AOAH: variants seen among roughly 807,000 people sequenced by gnomAD.
AOAH encodes the protein acyloxyacyl hydrolase (neutrophil).
A neutral mutation model predicts 92.2 loss-of-function variants in AOAH; 64 were observed. The observed-to-expected ratio is 0.69, with a 90% CI of 0.57 to 0.86. The LOEUF (loss-of-function observed/expected upper bound fraction) is 0.86, where lower values mean the gene tolerates loss of function less well. Among genes scored for constraint, AOAH ranks in the 40% least tolerant of loss-of-function variants. The probability of loss-of-function intolerance (pLI) is 0.00; values close to 1 mark genes in which losing one functional copy is unlikely to be tolerated. For missense variants in AOAH, 656 were observed against 694.6 expected, an observed-to-expected ratio of 0.94 and a Z score of 0.62; for synonymous variants, 263 against 254.5, an observed-to-expected ratio of 1.03 and a Z score of -0.32.
In AOAH at chr7:36,535,098, T is replaced by TGTG. The variant is rs1562543580; in HGVS notation, c.1307-2755_1307-2754insCAC. ...TGTGTCTGTGTCTCTGTGTGTGTGT[T>TGTG]TGTGTGTGTCTGTGTCTGTGTGTGT... On this transcript the variant is annotated intron_variant, in intron 16 of 20. Transcript: ENST00000617537. Among the ~76,000 whole-genome samples, 7 of 114,304 alleles carry TGTG rather than the reference T, an allele frequency of 6.1e-5. No individual in the cohort carries two copies. In the South Asian group the frequency reaches 1.8e-3, roughly 29 times the overall value. 75.0% of individuals were successfully genotyped at this position (114,304 alleles called of 152,430 possible).
At chr7:36,517,184 T>TTC (rs1408716536) in intron 20 of AOAH, among the ~76,000 whole-genome samples, 3 of 61,010 alleles carry the variant, frequency 4.9e-5, no homozygotes, top group South Asian at 1.4e-3. Flanking sequence ...CTTTCTTTCT[T>TTC]TCTTTCTTTC....
At chr7:36,527,080 T>C (rs1337271723) in intron 19 of AOAH, among the ~76,000 whole-genome samples, 1 of 152,188 alleles carries the variant, frequency 6.6e-6, no homozygotes, top group East Asian at 1.9e-4. Context: ...CCTGCTCAAG[T>C]TGGCATTTCC....
intron 2 of AOAH, among the ~76,000 whole-genome samples, chr7:36,676,622 G>A (rs77269267): frequency 0.016 from 2,391 of 151,710 alleles, 59 homozygotes; most frequent in African/African-American, 0.054. Flanking sequence ...ACATTCATAC[G>A]AAAAGTCAAG....
chr7:36,556,702 C>T (rs1441397642), intron 13 of AOAH, among the ~76,000 whole-genome samples: 1 of 137,036 alleles, frequency 7.3e-6, no homozygotes. Flanking sequence ...GGATAGTTAG[C>T]TCTTCTTGTT....
intron 4 of AOAH, among the ~76,000 whole-genome samples, chr7:36,658,396 T>C (rs1795012232): frequency 6.6e-6 from 1 of 152,200 alleles, no homozygotes; most frequent in Non-Finnish European, 1.5e-5. Context: ...GAATTTTTTT[T>C]CACGGGCAGC....
intron 8 of AOAH, 40 bp downstream of exon 8, chr7:36,621,670 A>C (rs1185378846): frequency 6.3e-7 from 1 of 1,593,564 alleles, no homozygotes; most frequent in East Asian, 2.2e-5. Context: ...TCCTTTTCTG[A>C]AGATAATTTT....
At chr7:36,617,039 T>G (rs1218282347) in intron 10 of AOAH, among the ~76,000 whole-genome samples, 1 of 152,228 alleles carries the variant, frequency 6.6e-6, no homozygotes, top group African/African-American at 2.4e-5. Context: ...CTGAGGCCCA[T>G]CCACACGAAT....
chr7:36,632,530 TC>T (rs767825427), intron 5 of AOAH, among the ~76,000 whole-genome samples: 3 of 152,082 alleles, frequency 2.0e-5, no homozygotes, highest in Non-Finnish European at 2.9e-5. Context: ...GAAGGTCCCT[TC>T]CCCCACAGAG....
At chr7:36,557,703 T>C (rs1786870788) in intron 13 of AOAH, among the ~76,000 whole-genome samples, 1 of 152,206 alleles carries the variant, frequency 6.6e-6, no homozygotes, top group Non-Finnish European at 1.5e-5. Flanking sequence ...CTTTTTTCTC[T>C]AAACTTCCCT....
chr7:36,639,639 T>C (rs1793762110), intron 4 of AOAH, among the ~76,000 whole-genome samples: 1 of 152,230 alleles, frequency 6.6e-6, no homozygotes, highest in African/African-American at 2.4e-5. Flanking sequence ...TTTTTCTGGT[T>C]TTCTAAATTT....
intron 13 of AOAH, among the ~76,000 whole-genome samples, chr7:36,558,457 G>A (rs1297960982): frequency 1.3e-5 from 2 of 152,246 alleles, no homozygotes; most frequent in Non-Finnish European, 2.9e-5. Context: ...ACTTGAGGAG[G>A]CAGTCTGCCT....
At chr7:36,642,981 A>G (rs1400369091) in intron 4 of AOAH, among the ~76,000 whole-genome samples, 1 of 152,232 alleles carries the variant, frequency 6.6e-6, no homozygotes, top group East Asian at 1.9e-4. Context: ...CGTTGTGAGG[A>G]TTGACAAAGA....
At chr7:36,521,832 T>C (rs972022006) in intron 20 of AOAH, among the ~76,000 whole-genome samples, 23 of 152,202 alleles carry the variant, frequency 1.5e-4, no homozygotes, top group African/African-American at 5.3e-4. Context: ...AAATCAGGAA[T>C]CCAGGTATAA....
intron 11 of AOAH, among the ~76,000 whole-genome samples, chr7:36,595,404 G>A (rs372715392): frequency 3.8e-4 from 58 of 152,242 alleles, no homozygotes; most frequent in African/African-American, 1.4e-3. Context: ...ATGATGGCAT[G>A]TGCCTGTGGT....
At chr7:36,557,013 T>C (rs1583811659) in intron 13 of AOAH, among the ~76,000 whole-genome samples, 1 of 152,014 alleles carries the variant, frequency 6.6e-6, no homozygotes, top group Non-Finnish European at 1.5e-5. Context: ...ATGTGTGAAT[T>C]TGATCCTGTC....
chr7:36,541,259 G>A (rs1243682714), intron 15 of AOAH, among the ~76,000 whole-genome samples: 1 of 152,084 alleles, frequency 6.6e-6, no homozygotes, highest in Non-Finnish European at 1.5e-5. Flanking sequence ...TCTTTATATA[G>A]TAGTGCTTGT....
chr7:36,718,606 G>A (rs370979714), intron 1 of AOAH, among the ~76,000 whole-genome samples: 1 of 152,146 alleles, frequency 6.6e-6, no homozygotes, highest in East Asian at 1.9e-4. Context: ...CCATACAATG[G>A]AATATTATTC....
intron 2 of AOAH, among the ~76,000 whole-genome samples, chr7:36,681,910 G>C (rs1267384871): frequency 6.6e-6 from 1 of 152,158 alleles, no homozygotes; most frequent in African/African-American, 2.4e-5. Flanking sequence ...TGTGCAATTA[G>C]GTGAGAATAA....
rs377331827 is a variant in AOAH at position 36,614,454 on chromosome 7, G to T, written c.846+1926C>A. Reference sequence around the variant, plus strand: ...CAATCTTATTTTTGAATTTGTGTTTGTTATGTGAGTGAAGTCCAGTGGGCC... The same window carrying T: ...CAATCTTATTTTTGAATTTGTGTTTTTTATGTGAGTGAAGTCCAGTGGGCC... On this transcript the variant is annotated intron_variant, in intron 11 of 20. Transcript: ENST00000617537. The surrounding 1 kb of genome is among the most constrained non-coding windows in gnomAD (Gnocchi z 4.2). Among the ~76,000 whole-genome samples the T allele has an allele frequency of 1.4e-5, 2 of 144,164 alleles. 1 individual carries two copies. The highest frequency in any genetic ancestry group is 1.4e-4 in the Admixed American group (2 of 14,474). 94.6% of individuals were successfully genotyped at this position (144,164 alleles called of 152,430 possible). A position where few individuals can be genotyped will look rare whatever the true frequency, so the allele number is the denominator to read the frequency against.
Sources: gnomAD v4.1 joint callset for allele counts (sites outside exome capture counted in the v4.1 genomes callset) on GRCh38, gnomAD v4.1.1 for gene constraint, Gnocchi (gnomAD v3.1) non-coding constraint, MANE v1.5 for transcripts, NCBI Gene and HGNC (gene_info 2026-07-23, HGNC 2026-07-21) for gene names.